The following RBFOX3 variants were observed in gnomAD, a reference collection of about 807,000 sequenced individuals.
The protein encoded by RBFOX3 is RNA binding fox-1 homolog 3.
In RBFOX3, 17 loss-of-function variants were observed where a neutral mutation model predicts 48.7. The ratio of observed to expected loss-of-function variants is 0.35; its 90% CI spans 0.24 to 0.52. The LOEUF is 0.52. RBFOX3 is among the 20% of genes least tolerant of loss of function. RBFOX3 has a pLI of 0.94. For synonymous variants in RBFOX3, 212 were observed against 209.5 expected (o/e 1.01, Z -0.10); for missense variants, 382 against 497.5 (o/e 0.77, Z 2.21).
intron 4 of RBFOX3, among the ~76,000 whole-genome samples, chr17:79,189,015 C>T (rs946626396): frequency 6.6e-6 from 1 of 152,218 alleles, no homozygotes; most frequent in African/African-American, 2.4e-5. Flanking sequence ...CCCACAGAAG[C>T]CAAAGGAAGA....
intron 3 of RBFOX3, among the ~76,000 whole-genome samples, chr17:79,289,893 T>C (rs2072891703): frequency 6.6e-6 from 1 of 152,230 alleles, no homozygotes. Flanking sequence ...AACACTGGGC[T>C]ATAACTAATA....
intron 4 of RBFOX3, among the ~76,000 whole-genome samples, chr17:79,158,861 G>A (rs899364768): frequency 2.6e-5 from 4 of 152,170 alleles, no homozygotes; most frequent in Non-Finnish European, 4.4e-5. Context: ...TCCTAACTGC[G>A]GCCCCAGGAT....
Position 79,361,452 on chromosome 17 carries a change from A to C in RBFOX3, c.-174-53628T>G, listed in dbSNP as rs965368881. 6.6e-6 allele frequency among the ~76,000 whole-genome samples: 1 copy of C among 152,072 alleles called. No homozygotes were observed. Among genetic ancestry groups the C allele is most frequent in the African/African-American group, 2.4e-5 (1 of 41,402 alleles). ...AGGACCCTCACGGTGGCCCTTGGTT[A>C]CTGGAGTCACCAGGACCTGCAGCAC... On this transcript the variant is annotated intron_variant, in intron 2 of 14. Transcript: ENST00000693108. The surrounding 1 kb of genome is among the most constrained non-coding windows in gnomAD (Gnocchi z 4.5).
At chr17:79,343,683 G>C (rs756644218) in intron 2 of RBFOX3, among the ~76,000 whole-genome samples, 1 of 152,168 alleles carries the variant, frequency 6.6e-6, no homozygotes, top group Non-Finnish European at 1.5e-5. Flanking sequence ...CTGACCCCTA[G>C]TAACAGAGGC....
chr17:79,626,798 C>T, the RBFOX3 span, among the ~76,000 whole-genome samples: 15 of 152,302 alleles, frequency 9.8e-5, no homozygotes, highest in Admixed American at 9.2e-4. Context: ...TGGGGAGTCC[C>T]GAGAGAGAAG....
intron 2 of RBFOX3, among the ~76,000 whole-genome samples, chr17:79,353,298 C>G (rs780380358): frequency 6.6e-6 from 1 of 152,164 alleles, no homozygotes. Flanking sequence ...CCATCCTCTC[C>G]TCCATGGGGT....
chr17:79,194,537 C>T (rs1232373802), intron 4 of RBFOX3, among the ~76,000 whole-genome samples: 4 of 151,822 alleles, frequency 2.6e-5, no homozygotes, highest in Non-Finnish European at 4.4e-5. Context: ...ACCTGGGAGG[C>T]GGAGGTTGCA....
chr17:79,181,278 C>T (rs551354916), intron 4 of RBFOX3, among the ~76,000 whole-genome samples: 9 of 152,354 alleles, frequency 5.9e-5, no homozygotes, highest in South Asian at 2.1e-4. Context: ...CCCAGAGCTA[C>T]GCTTCCTGCT....
intron 1 of RBFOX3, among the ~76,000 whole-genome samples, chr17:79,502,335 G>T (rs1444126215): frequency 6.6e-6 from 1 of 152,120 alleles, no homozygotes; most frequent in Non-Finnish European, 1.5e-5. Flanking sequence ...AAATAGGGTG[G>T]TGGGGTGCCA....
intron 3 of RBFOX3, among the ~76,000 whole-genome samples, chr17:79,301,432 C>T (rs2075298030): frequency 6.6e-6 from 1 of 152,238 alleles, no homozygotes; most frequent in Admixed American, 6.5e-5. Context: ...TGTGTGTTTT[C>T]AAGACTGAGA....
chr17:79,138,761 C>T (rs1448028036), intron 4 of RBFOX3, among the ~76,000 whole-genome samples: 1 of 129,118 alleles, frequency 7.7e-6, no homozygotes, highest in Non-Finnish European at 1.6e-5. Flanking sequence ...CACCACCATC[C>T]ACAAACATGC....
At chr17:79,115,208 G>A in intron 5 of RBFOX3, among the ~76,000 whole-genome samples, 1 of 152,238 alleles carries the variant, frequency 6.6e-6, no homozygotes, top group East Asian at 1.9e-4. Flanking sequence ...GGCGGCTGGA[G>A]GACGGTGGCT....
intron 4 of RBFOX3, among the ~76,000 whole-genome samples, chr17:79,126,783 C>T (rs575973018): frequency 5.3e-5 from 8 of 152,282 alleles, no homozygotes; most frequent in African/African-American, 9.6e-5. Flanking sequence ...ACCGGCACCC[C>T]GGACCTCTGC....
At chr17:79,489,077 C>A (rs1598910240) in intron 1 of RBFOX3, among the ~76,000 whole-genome samples, 1 of 152,008 alleles carries the variant, frequency 6.6e-6, no homozygotes, top group East Asian at 1.9e-4. Flanking sequence ...TGCTTGCATT[C>A]TTATTTGGCT....
chr17:79,107,457 A>AATCAGTGCACGCTCC (rs2077600848), intron 5 of RBFOX3, among the ~76,000 whole-genome samples: 1 of 152,216 alleles, frequency 6.6e-6, no homozygotes, highest in East Asian at 1.9e-4. Flanking sequence ...AGGAAACAAA[A>AATCAGTGCACGCTCC]GCCACCTGGC....
In RBFOX3 at chr17:79,490,437, G is replaced by C. The variant is rs369594304; in HGVS notation, c.-319-7839C>G. Among the ~76,000 whole-genome samples, 12 of 152,312 alleles carry C rather than the reference G, an allele frequency of 7.9e-5. No individual in the cohort carries two copies. In the South Asian group the frequency reaches 2.3e-3, roughly 29 times the overall value. Reference sequence around the variant, plus strand: ...GACTGCCTGACCCGGGTTCAGTGGGGCTGGGGGCCCAGAACCCTGGCCATG... The same window carrying C: ...GACTGCCTGACCCGGGTTCAGTGGGCCTGGGGGCCCAGAACCCTGGCCATG... On this transcript the variant is annotated intron_variant, in intron 1 of 14. Transcript: ENST00000693108.
intron 2 of RBFOX3, among the ~76,000 whole-genome samples, chr17:79,377,517 G>A (rs2059367011): frequency 6.6e-6 from 1 of 152,186 alleles, no homozygotes; most frequent in South Asian, 2.1e-4. Context: ...ACATCCTCCT[G>A]ACAGCTCCAT....
chr17:79,147,146 C>T (rs2043204398), intron 4 of RBFOX3, among the ~76,000 whole-genome samples: 2 of 152,232 alleles, frequency 1.3e-5, no homozygotes, highest in Non-Finnish European at 1.5e-5. Flanking sequence ...TCCAAGGCTG[C>T]TCCCTTGCCC....
At chr17:79,367,220 C>T in intron 2 of RBFOX3, among the ~76,000 whole-genome samples, 1 of 150,906 alleles carries the variant, frequency 6.6e-6, no homozygotes, top group African/African-American at 2.4e-5. Flanking sequence ...TCCTCCTCCT[C>T]TCCCTCCTCC....
Sources: allele counts gnomAD v4.1 joint callset (sites outside exome capture counted in the v4.1 genomes callset), GRCh38; gene constraint gnomAD v4.1.1; non-coding constraint Gnocchi (gnomAD v3.1); transcripts MANE v1.5; gene names NCBI Gene and HGNC (gene_info 2026-07-23, HGNC 2026-07-21).